Variants in HMCN2 observed in about 807,000 individuals in gnomAD.
The protein encoded by HMCN2 is hemicentin 2.
Under a neutral mutation model 377.5 loss-of-function variants are expected in HMCN2, and 325 were observed. The ratio of observed to expected loss-of-function variants is 0.86; its 90% CI spans 0.79 to 0.94. HMCN2 has a LOEUF of 0.94. HMCN2 is among the 40% of genes least tolerant of loss of function. HMCN2 has a pLI of 0.00. For synonymous variants in HMCN2, 2,007 were observed against 2,046.8 expected, an observed-to-expected ratio of 0.98 and a Z score of 0.53; for missense variants, 4,543 against 4,725.3, an observed-to-expected ratio of 0.96 and a Z score of 1.13.
rs1229727357 is a variant in HMCN2, at chr9:130,302,885, G to C, written c.1305G>C (p.Arg435Ser). Residue 435 changes from arginine to serine, a missense_variant, in exon 9 of 98, where the codon AGG (arginine) becomes AGC (serine). Arg to Ser is a moderately radical substitution (Grantham distance 110). Around this residue, in one of 5 missense-constraint regions of HMCN2, gnomAD observed 547 missense variants for 189.9 expected, o/e 2.88. Transcript: ENST00000683500. ...CTCCCCTCGTCAGCATGGCCCCCAG[G>C]ATCCATGGCTACCTGCACCAGCCCC... ...PGAPLVSMAPRIHGYLHQPLL... is the reference protein window; with the variant it reads ...PGAPLVSMAPSIHGYLHQPLL... 8.5e-6 allele frequency: 4 copies of C among 469,804 alleles called. No homozygotes were observed. Among genetic ancestry groups the C allele is most frequent in the Admixed American group, 2.4e-5 (1 of 42,532 alleles). The allele number at this position is 469,804 out of a possible 1,614,324, so 29.1% of individuals were successfully genotyped here. A position where few individuals can be genotyped will look rare whatever the true frequency, so the allele number is the denominator to read the frequency against.
intron 77 of HMCN2, 144 bp from the exon 78 acceptor site, chr9:130,402,645 C>A (rs1262322615): frequency 5.0e-6 from 2 of 401,740 alleles, no homozygotes; most frequent in Non-Finnish European, 9.2e-6. Flanking sequence ...GGTTCCCATA[C>A]AGTCACATCC....
chr9:130,343,833 G>A (rs1482041434), intron 25 of HMCN2, among the ~76,000 whole-genome samples: 5 of 152,220 alleles, frequency 3.3e-5, no homozygotes, highest in Admixed American at 6.5e-5. Context: ...CCTTGGGCTC[G>A]GAGCGCTCTG....
In HMCN2 at chr9:130,309,591, G is replaced by A. The variant is rs116290653; in HGVS notation, c.2201-321G>A. Reference sequence around the variant, plus strand: ...CAGGGCTCCCCAGAGCCCTCCCAGAGCTGACCCAGATCTCAGCCTGGACCT... The same window carrying A: ...CAGGGCTCCCCAGAGCCCTCCCAGAACTGACCCAGATCTCAGCCTGGACCT... On this transcript the variant is annotated intron_variant, in intron 14 of 97. Coordinates refer to ENST00000683500, the MANE Select transcript of HMCN2 (RefSeq NM_001291815.2). 2.2e-3 allele frequency among the ~76,000 whole-genome samples: 327 copies of A among 151,440 alleles called. 2 individuals carry two copies. Among genetic ancestry groups the A allele is most frequent in the Non-Finnish European group, 3.6e-3 (242 of 67,880 alleles).
intron 4 of HMCN2, among the ~76,000 whole-genome samples, chr9:130,287,077 G>A (rs894472836): frequency 5.3e-5 from 8 of 152,124 alleles, no homozygotes; most frequent in East Asian, 1.9e-4. Flanking sequence ...CTCCCACCTC[G>A]GCTGATTCCA....
chr9:130,301,531 C>A (rs1343600389), intron 8 of HMCN2, among the ~76,000 whole-genome samples: 1 of 152,154 alleles, frequency 6.6e-6, no homozygotes, highest in South Asian at 2.1e-4. Context: ...CCATTTAGCT[C>A]ATGGAAATGG....
chr9:130,336,677 C>T (rs1043158827), intron 22 of HMCN2, among the ~76,000 whole-genome samples: 21 of 152,208 alleles, frequency 1.4e-4, no homozygotes, highest in African/African-American at 4.3e-4. Context: ...GCTGGATGCT[C>T]GGGACAAAAG....
chr9:130,273,341 A>G (rs1834502793), intron 1 of HMCN2, among the ~76,000 whole-genome samples: 2 of 151,966 alleles, frequency 1.3e-5, no homozygotes, highest in Non-Finnish European at 1.5e-5. Context: ...TAATGTCTTC[A>G]GTTTTCTAGG....
chr9:130,310,640 AC>A (rs1210459266), intron 15 of HMCN2, among the ~76,000 whole-genome samples: 4 of 151,550 alleles, frequency 2.6e-5, no homozygotes, highest in Non-Finnish European at 5.9e-5. Flanking sequence ...GGGTGTGAAC[AC>A]CAGGAGGCGG....
intron 36 of HMCN2, among the ~76,000 whole-genome samples, 193 bp downstream of exon 36, chr9:130,358,679 T>A (rs929703444): frequency 9.8e-6 from 1 of 101,866 alleles, no homozygotes; most frequent in South Asian, 2.5e-4. Context: ...TTTGGCGGGA[T>A]TTTTTTTTTT....
rs550542826 is a variant in HMCN2, at chr9:130,392,822, C to T, written c.10137-390C>T. Among the ~76,000 whole-genome samples the T allele has an allele frequency of 5.8e-3, 888 of 152,126 alleles. 8 individuals carry two copies. The highest frequency in any genetic ancestry group is 0.02 in the African/African-American group (814 of 41,500). ...CCATCCTGGCTAACACGGTGAAACC[C>T]CGTCTCTACTAAAAATACAAAAAAT... is the stretch of plus-strand genomic sequence containing the variant. On this transcript the variant is annotated intron_variant, in intron 66 of 97. Coordinates refer to ENST00000683500, the MANE Select transcript of HMCN2 (RefSeq NM_001291815.2).
chr9:130,374,377 C>A, intron 48 of HMCN2, 125 bp from the exon 49 acceptor site: 1 of 328,096 alleles, frequency 3.0e-6, no homozygotes, highest in Non-Finnish European at 4.4e-6. Flanking sequence ...TCTTCTTGTG[C>A]TTCATGGGCC....
At chr9:130,340,393 A>T (rs1423631658) in intron 23 of HMCN2, among the ~76,000 whole-genome samples, 2 of 152,192 alleles carry the variant, frequency 1.3e-5, no homozygotes, top group Non-Finnish European at 2.9e-5. Flanking sequence ...GGCTATAAGG[A>T]GCTGAACCAG....
intron 30 of HMCN2, among the ~76,000 whole-genome samples, chr9:130,352,718 C>G (rs903463898): frequency 6.6e-6 from 1 of 152,052 alleles, no homozygotes; most frequent in Non-Finnish European, 1.5e-5. Context: ...GCCCCCACCT[C>G]CTGCACCTTC....
At chr9:130,324,406 T>C (rs1039231858) in intron 19 of HMCN2, among the ~76,000 whole-genome samples, 62,058 of 152,030 alleles carry the variant, frequency 0.41, 13,866 homozygotes, top group South Asian at 0.58. Context: ...ATAGAAAAAC[T>C]CAGCGGAAGG....
intron 16 of HMCN2, 61 bp from the exon 17 acceptor site, chr9:130,320,295 C>T (rs1207471543): frequency 6.6e-6 from 1 of 152,340 alleles, no homozygotes; most frequent in Non-Finnish European, 1.5e-5. Context: ...AGCTGGAGCC[C>T]ATGGGGGCTG....
chr9:130,356,376 T>G lies in HMCN2; in HGVS notation c.5425+119T>G, dbSNP rs868053343. On this transcript the variant is annotated intron_variant, in intron 34 of 97. Transcript: ENST00000683500. ...GCTGGTCTTTGCTGGATGGCGTTTC[T>G]GGGCTGGACTTCCCAGTTCCCCACA... 9.9e-5 allele frequency: 99 copies of G among 1,004,062 alleles called. 1 individual carries two copies. The highest frequency in any genetic ancestry group is 5.1e-4 in the South Asian group (31 of 60,830). The allele number at this position is 1,004,062 out of a possible 1,614,324, so 62.2% of individuals were successfully genotyped here. A position where few individuals can be genotyped will look rare whatever the true frequency, so the allele number is the denominator to read the frequency against.
intron 1 of HMCN2, among the ~76,000 whole-genome samples, chr9:130,280,880 C>T (rs1331662327): frequency 6.6e-6 from 1 of 151,862 alleles, no homozygotes; most frequent in South Asian, 2.1e-4. Context: ...CCAATGCAGG[C>T]GGATCATGAG....
intron 1 of HMCN2, among the ~76,000 whole-genome samples, chr9:130,280,148 GTGTTTTTTT>G (rs1193060842): frequency 1.1e-5 from 1 of 92,324 alleles, no homozygotes; most frequent in Non-Finnish European, 1.9e-5. Flanking sequence ...GTGTGTGTGT[GTGTTTTTTT>G]TTTTTTTTTG....
chr9:130,352,591 G>A (rs2131529157), intron 30 of HMCN2, among the ~76,000 whole-genome samples: 1 of 152,282 alleles, frequency 6.6e-6, no homozygotes, highest in East Asian at 1.9e-4. Context: ...TCCTCATCTA[G>A]TCCAGCCTCT....
Sources: gnomAD v4.1 joint callset for allele counts (sites outside exome capture counted in the v4.1 genomes callset) on GRCh38, gnomAD v4.1.1 for gene constraint, gnomAD v4.1.1 regional missense constraint, MANE v1.5 for transcripts, NCBI Gene and HGNC (gene_info 2026-07-23, HGNC 2026-07-21) for gene names.